CALN1: variants seen among roughly 807,000 people sequenced by gnomAD.
CALN1 encodes the protein calneuron 1, also known as calcium-binding protein 8.
CALN1 carries 17 observed loss-of-function variants against 30.6 expected under a neutral mutation model. The ratio of observed to expected loss-of-function variants is 0.56; its 90% confidence interval spans 0.38 to 0.83. The LOEUF (loss-of-function observed/expected upper bound fraction) is 0.83. Ranked by LOEUF, CALN1 falls within the 40% of genes least tolerant of loss-of-function variation. The pLI is 0.00. For synonymous variants in CALN1, 156 were observed against 131.4 expected (o/e 1.19, Z -1.28); for missense variants, 291 against 354.9 (o/e 0.82, Z 1.45).
At position 72,357,955 on chromosome 7, in the gene CALN1, C is replaced by T. The variant is rs551948653; in HGVS notation, c.119+45296G>A. On this transcript the variant is annotated intron_variant, in intron 2 of 6. Transcript: ENST00000395275. ...GAGTAGCTAGGATTACTGGCACACACCACCATGCCTGGCTAATTTTTTTGT... is the reference window on the plus strand; with the variant it reads ...GAGTAGCTAGGATTACTGGCACACATCACCATGCCTGGCTAATTTTTTTGT... Among the ~76,000 whole-genome samples the T allele has an allele frequency of 1.3e-4, 19 of 151,212 alleles. No homozygotes were observed. In the East Asian group the frequency reaches 3.7e-3, roughly 29 times the overall value.
At chr7:71,883,188 T>C (rs1458413128) in intron 5 of CALN1, among the ~76,000 whole-genome samples, 1 of 152,198 alleles carries the variant, frequency 6.6e-6, no homozygotes, top group African/African-American at 2.4e-5. Flanking sequence ...CACACACATT[T>C]TGTTTGTTCA....
the CALN1 span, among the ~76,000 whole-genome samples, chr7:72,492,655 G>T: frequency 1.3e-5 from 2 of 152,228 alleles, no homozygotes; most frequent in African/African-American, 4.8e-5. Flanking sequence ...AGCCCTCGTG[G>T]CTCTAATAGT....
At chr7:71,996,216 T>C (rs1424638316) in intron 5 of CALN1, among the ~76,000 whole-genome samples, 1 of 152,118 alleles carries the variant, frequency 6.6e-6, no homozygotes, top group Non-Finnish European at 1.5e-5. Flanking sequence ...AAAGAAAAGA[T>C]TTAAATAGAA....
rs139508414 is a variant in CALN1, at chr7:71,781,992, A to G, written c.*5783T>C. The G allele has an allele frequency of 2.6e-4, 39 of 152,360 alleles. No individual in the cohort carries two copies. The highest frequency in any genetic ancestry group is 8.7e-4 in the African/African-American group (36 of 41,574). The allele number at this position is 152,360 out of a possible 1,614,324, so 9.4% of individuals were successfully genotyped here. A position where few individuals can be genotyped will look rare whatever the true frequency, so the allele number is the denominator to read the frequency against. ...GTATTGTCATGTCTCTCGAGACCCT[A>G]TGAAGAGTCCCAAATGAATATGAAG... On this transcript the variant is annotated 3_prime_UTR_variant, in exon 7 of 7. Transcript: ENST00000395275.
At chr7:72,298,320 G>A (rs1042312447) in intron 2 of CALN1, among the ~76,000 whole-genome samples, 2 of 152,180 alleles carry the variant, frequency 1.3e-5, no homozygotes, top group African/African-American at 4.8e-5. Flanking sequence ...AAAGCCACCT[G>A]CAGCCATCTT....
intron 3 of CALN1, among the ~76,000 whole-genome samples, chr7:72,114,724 C>A (rs182096572): frequency 6.6e-6 from 1 of 151,604 alleles, no homozygotes; most frequent in East Asian, 2.0e-4. Flanking sequence ...CTAGGCATGG[C>A]GGCTCATGCC....
At chr7:72,362,845 C>T (rs1018227589) in intron 2 of CALN1, among the ~76,000 whole-genome samples, 39 of 152,314 alleles carry the variant, frequency 2.6e-4, no homozygotes, top group African/African-American at 9.1e-4. Context: ...CTGGTGTCTG[C>T]CCCGAGCAGC....
At chr7:72,410,137 C>CAG (rs990679271) in intron 1 of CALN1, among the ~76,000 whole-genome samples, 3 of 152,100 alleles carry the variant, frequency 2.0e-5, no homozygotes, top group Admixed American at 1.3e-4. Context: ...GACGACAGGG[C>CAG]AGAGTGTGAG....
At chr7:72,498,652 C>A in the CALN1 span, among the ~76,000 whole-genome samples, 1,668 of 152,106 alleles carry the variant, frequency 0.011, 32 homozygotes, top group African/African-American at 0.037. Flanking sequence ...TTTTTGCCAG[C>A]AGATCTTTAC....
At chr7:72,327,114 C>A (rs1801332512) in intron 2 of CALN1, among the ~76,000 whole-genome samples, 1 of 152,180 alleles carries the variant, frequency 6.6e-6, no homozygotes, top group African/African-American at 2.4e-5. Context: ...AGCCCCCAAG[C>A]CCAGTCTGTA....
intron 4 of CALN1, among the ~76,000 whole-genome samples, chr7:72,063,221 C>T (rs952505707): frequency 6.6e-6 from 1 of 152,110 alleles, no homozygotes; most frequent in Admixed American, 6.6e-5. Context: ...ACGGTACACC[C>T]TCAAATGTCA....
At chr7:71,851,208 AACACACACACACACACACAC>A (rs56041427) in intron 5 of CALN1, among the ~76,000 whole-genome samples, 14 of 132,098 alleles carry the variant, frequency 1.1e-4, no homozygotes, top group Admixed American at 1.6e-4. Flanking sequence ...CCTTGTCTCA[AACACACACACACACACACAC>A]ACACACACAC....
chr7:72,282,814 G>A (rs1317721662), intron 2 of CALN1, among the ~76,000 whole-genome samples: 8 of 152,188 alleles, frequency 5.3e-5, no homozygotes, highest in African/African-American at 1.7e-4. Flanking sequence ...AGAACTTTGA[G>A]AGGTTAAGGC....
intron 6 of CALN1, among the ~76,000 whole-genome samples, chr7:71,805,268 G>C (rs1412471399): frequency 6.6e-6 from 1 of 152,120 alleles, no homozygotes; most frequent in Non-Finnish European, 1.5e-5. Flanking sequence ...TTACCTGTTT[G>C]CTCTAATGAG....
intron 5 of CALN1, among the ~76,000 whole-genome samples, chr7:71,898,411 A>G (rs1487435851): frequency 6.6e-6 from 1 of 152,156 alleles, no homozygotes; most frequent in Non-Finnish European, 1.5e-5. Flanking sequence ...CATGGCTGAT[A>G]AAAGGATTTA....
At chr7:71,858,155 C>T (rs1791062002) in intron 5 of CALN1, among the ~76,000 whole-genome samples, 2 of 152,252 alleles carry the variant, frequency 1.3e-5, no homozygotes, top group South Asian at 4.1e-4. Context: ...TCCATGCTGT[C>T]CTCATGATAG....
chr7:71,955,407 G>C (rs188444398), intron 5 of CALN1, among the ~76,000 whole-genome samples: 4 of 152,208 alleles, frequency 2.6e-5, no homozygotes, highest in East Asian at 3.9e-4. Context: ...AGGTTGAAAA[G>C]CTGATCAACT....
intron 3 of CALN1, among the ~76,000 whole-genome samples, chr7:72,191,946 ACCTTT>A (rs1790639206): frequency 6.6e-6 from 1 of 151,962 alleles, no homozygotes; most frequent in Non-Finnish European, 1.5e-5. Flanking sequence ...TTTTGCCATT[ACCTTT>A]AATGGCAAAA....
chr7:72,435,239 GA>G (rs34343025), intron 1 of CALN1, among the ~76,000 whole-genome samples: 141 of 132,930 alleles, frequency 1.1e-3, no homozygotes, highest in East Asian at 9.5e-3. Context: ...AGTCTCTAAG[GA>G]AAAAAAAAAA....
Sources: gnomAD v4.1 joint callset for allele counts (sites outside exome capture counted in the v4.1 genomes callset) on GRCh38, gnomAD v4.1.1 for gene constraint, MANE v1.5 for transcripts, NCBI Gene and HGNC (gene_info 2026-07-23, HGNC 2026-07-21) for gene names.